The following PCDHGB1 variants were observed in gnomAD, a reference collection of about 807,000 sequenced individuals.
The protein encoded by PCDHGB1 is protocadherin gamma-B1.
Under a neutral mutation model 56.6 loss-of-function variants are expected in PCDHGB1, and 34 were observed. That is an observed-to-expected ratio of 0.60 (90% CI 0.46 to 0.80). The LOEUF (loss-of-function observed/expected upper bound fraction) is 0.80, where lower values mean the gene tolerates loss of function less well. Among genes scored for constraint, PCDHGB1 ranks in the 30% least tolerant of loss-of-function variants. The probability of loss-of-function intolerance (pLI) is 0.00; values close to 1 mark genes in which losing one functional copy is unlikely to be tolerated. For missense variants in PCDHGB1, 1,278 were observed against 1,204.6 expected, an observed-to-expected ratio of 1.06 and a Z score of -0.90; for synonymous variants, 561 against 505.9, an observed-to-expected ratio of 1.11 and a Z score of -1.46.
At chr5:141,387,816 C>T (rs1376270603) in intron 1 of PCDHGB1, 3 of 1,539,164 alleles carry the variant, frequency 1.9e-6, no homozygotes, top group African/African-American at 1.4e-5. Flanking sequence ...ATCCAAAAAT[C>T]TGCAATACAG....
In PCDHGB1 at chr5:141,432,129, A is replaced by T. The variant is rs758099753; in HGVS notation, c.2410-62678A>T. The T allele has an allele frequency of 6.2e-6, 10 of 1,614,054 alleles. No individual in the cohort carries two copies. In the South Asian group the frequency reaches 8.8e-5, roughly 14 times the overall value. On this transcript the variant is annotated intron_variant, in intron 1 of 3. Transcript: ENST00000523390. This position sits in a 1 kb window ranked among gnomAD's most constrained non-coding sequence, Gnocchi z 6.0. ...CCGCCGGTCTTCCCTCAGGCCTCCTATTCCGCTTATATCCCAGAGAACAAT... is the reference window on the plus strand; with the variant it reads ...CCGCCGGTCTTCCCTCAGGCCTCCTTTTCCGCTTATATCCCAGAGAACAAT...
At chr5:141,495,010 G>T (rs1327870362) in intron 2 of PCDHGB1, 145 bp downstream of exon 2, 1 of 1,516,970 alleles carries the variant, frequency 6.6e-7, no homozygotes, top group Non-Finnish European at 8.9e-7. Flanking sequence ...GTGTGCGGGG[G>T]GCTGGCACAC....
intron 1 of PCDHGB1, chr5:141,393,113 G>A: frequency 1.2e-6 from 2 of 1,613,500 alleles, no homozygotes; most frequent in Non-Finnish European, 8.5e-7. Context: ...CTCAGAGCCC[G>A]CGGTGTCTGA....
At chr5:141,357,145 C>A in intron 1 of PCDHGB1, 1 of 1,613,564 alleles carries the variant, frequency 6.2e-7, no homozygotes, top group Non-Finnish European at 8.5e-7. Flanking sequence ...CGTCCAGGAC[C>A]ATGGCCAGCC....
rs776864431 is a variant in PCDHGB1 at position 141,365,544 on chromosome 5, TAAC to T, written c.2409+12879_2409+12881del. ...TCAGTTGATAATTACTATCACCTATTAACAACTAGGGACCTGGACAGAGAAGAG... is the reference window on the plus strand; with the variant it reads ...TCAGTTGATAATTACTATCACCTATTAACTAGGGACCTGGACAGAGAAGAG... On this transcript the variant is annotated intron_variant, in intron 1 of 3. Transcript: ENST00000523390. 1.9e-6 allele frequency: 3 copies of T among 1,613,800 alleles called. No individual in the cohort carries two copies. In the East Asian group the frequency reaches 6.7e-5, roughly 36 times the overall value.
chr5:141,352,297 C>G lies in PCDHGB1; in HGVS notation c.2037C>G (p.Asp679Glu). The change falls in exon 1 of 4, where the codon GAC becomes GAG. Residue 679 changes from aspartate to glutamate, a missense_variant. Asp to Glu is a conservative substitution (Grantham distance 45). Transcript: ENST00000523390. ...PDLSDRPEPS[D>E]PQTELQFYLV... The stretch of plus-strand genomic sequence containing the variant: ...TCAGCGACCGCCCTGAGCCCTCTGA[C>G]CCCCAGACGGAACTGCAGTTTTACC... 6.2e-7 allele frequency: 1 copy of G among 1,614,070 alleles called. No homozygotes were observed. Among genetic ancestry groups the G allele is most frequent in the South Asian group, 1.1e-5 (1 of 91,082 alleles).
chr5:141,431,678 T>G lies in PCDHGB1; in HGVS notation c.2410-63129T>G. The G allele has an allele frequency of 6.2e-7, 1 of 1,614,084 alleles. No homozygotes were observed. Among genetic ancestry groups the G allele is most frequent in the Non-Finnish European group, 8.5e-7 (1 of 1,180,022 alleles). On this transcript the variant is annotated intron_variant, in intron 1 of 3. Transcript: ENST00000523390. This position sits in a 1 kb window ranked among gnomAD's most constrained non-coding sequence, Gnocchi z 4.8. ...AGGGACAATATCAACAATAGGGGAGTTGGACCACGAGGAGTCAGGATTCTA... is the reference window on the plus strand; with the variant it reads ...AGGGACAATATCAACAATAGGGGAGGTGGACCACGAGGAGTCAGGATTCTA...
At chr5:141,375,821 C>A (rs1472171329) in intron 1 of PCDHGB1, 6 of 1,614,074 alleles carry the variant, frequency 3.7e-6, no homozygotes, top group Non-Finnish European at 5.1e-6. Flanking sequence ...GCTGGCGCCC[C>A]GCTCCGCAGA....
rs923900490 is a variant in PCDHGB1, at chr5:141,383,761, C to T, written c.2409+31092C>T. 6 of 1,613,834 alleles carry T rather than the reference C, an allele frequency of 3.7e-6. No individual in the cohort carries two copies. The Admixed American group carries it at 1.0e-4, about 27-fold the overall frequency. Reference sequence around the variant, plus strand: ...TTCTTTTCGGAAAATAACTCCTAAACTTCCAAAGATGTTTCATCTGAACTC... The same window carrying T: ...TTCTTTTCGGAAAATAACTCCTAAATTTCCAAAGATGTTTCATCTGAACTC... On this transcript the variant is annotated intron_variant, in intron 1 of 3. Coordinates refer to ENST00000523390, the MANE Select transcript of PCDHGB1 (RefSeq NM_018922.3).
intron 1 of PCDHGB1, chr5:141,413,715 G>A (rs955570292): frequency 2.5e-6 from 4 of 1,613,472 alleles, no homozygotes; most frequent in Non-Finnish European, 3.4e-6. Context: ...GCCCCAATAA[G>A]CACTTCTCCC....
At chr5:141,367,777 T>C (rs1765325375) in intron 1 of PCDHGB1, 1 of 152,150 alleles carries the variant, frequency 6.6e-6, no homozygotes, top group Non-Finnish European at 1.5e-5. Flanking sequence ...AATGTAAATA[T>C]GTCACACACC....
At chr5:141,433,847 A>AAAAAAAC (rs1296633381) in intron 1 of PCDHGB1, among the ~76,000 whole-genome samples, 1 of 151,976 alleles carries the variant, frequency 6.6e-6, no homozygotes, top group Non-Finnish European at 1.5e-5. Flanking sequence ...CAAAAAAAAA[A>AAAAAAAC]AAAAAAAACT....
rs775299266 is a variant in PCDHGB1, at chr5:141,432,192, AC to A, written c.2410-62611del. On this transcript the variant is annotated intron_variant, in intron 1 of 3. Transcript: ENST00000523390. The surrounding 1 kb of genome is among the most constrained non-coding windows in gnomAD (Gnocchi z 6.0). ...TCCCTCGTCTCTGTGACCGCCCACG[AC>A]CCCGACTGTGAAGAGAACGCCCAGA... 5 of 1,613,812 alleles carry A rather than the reference AC, an allele frequency of 3.1e-6. No individual in the cohort carries two copies. Among genetic ancestry groups the A allele is most frequent in the Non-Finnish European group, 4.2e-6 (5 of 1,179,996 alleles).
chr5:141,452,015 C>T (rs2098730990), intron 1 of PCDHGB1, among the ~76,000 whole-genome samples: 1 of 152,306 alleles, frequency 6.6e-6, no homozygotes, highest in African/African-American at 2.4e-5. Context: ...GTCCAGCCCA[C>T]ACTCTGGGGA....
chr5:141,475,254 C>T (rs776471860), intron 1 of PCDHGB1, among the ~76,000 whole-genome samples: 9 of 152,208 alleles, frequency 5.9e-5, no homozygotes, highest in Admixed American at 1.3e-4. Flanking sequence ...TGCTCTACAA[C>T]TGAGATCATG....
intron 1 of PCDHGB1, chr5:141,367,403 G>GTT (rs1765106361): frequency 2.0e-5 from 3 of 152,234 alleles, no homozygotes; most frequent in African/African-American, 7.2e-5. Context: ...CGGGCGTGGT[G>GTT]GCAGGCGCCT....
At chr5:141,391,618 TA>T (rs2092399304) in intron 1 of PCDHGB1, 3 of 152,366 alleles carry the variant, frequency 2.0e-5, no homozygotes, top group African/African-American at 7.2e-5. Flanking sequence ...TGAGTGGTTT[TA>T]AGAAAGTTTT....
intron 1 of PCDHGB1, chr5:141,376,156 G>T: frequency 6.2e-7 from 1 of 1,614,074 alleles, no homozygotes; most frequent in Non-Finnish European, 8.5e-7. Flanking sequence ...ACCTCACTCT[G>T]TACCTGGTGG....
At chr5:141,352,793 C>A in intron 1 of PCDHGB1, 124 bp downstream of exon 1, 1 of 972,824 alleles carries the variant, frequency 1.0e-6, no homozygotes. Flanking sequence ...AGTTTGAGAC[C>A]AGCATAGCCA....
Sources: gnomAD v4.1 joint callset for allele counts (sites outside exome capture counted in the v4.1 genomes callset) on GRCh38, gnomAD v4.1.1 for gene constraint, Gnocchi (gnomAD v3.1) non-coding constraint, MANE v1.5 for transcripts, NCBI Gene and HGNC (gene_info 2026-07-23, HGNC 2026-07-21) for gene names.